The following NRXN3 variants were observed in gnomAD, a reference collection of about 807,000 sequenced individuals.
NRXN3 encodes the protein neurexin 3, also known as neurexin III.
Under a neutral mutation model 137.6 loss-of-function variants are expected in NRXN3, and 32 were observed. The ratio of observed to expected loss-of-function variants is 0.23; its 90% confidence interval spans 0.18 to 0.31. The LOEUF (loss-of-function observed/expected upper bound fraction) is 0.31, where lower values mean the gene tolerates loss of function less well. Among genes scored for constraint, NRXN3 ranks in the 10% least tolerant of loss-of-function variants. The pLI is 1.00. For synonymous variants in NRXN3, 798 were observed against 784.5 expected, an observed-to-expected ratio of 1.02 and a Z score of -0.29; for missense variants, 1,574 against 2,062.5, an observed-to-expected ratio of 0.76 and a Z score of 4.59.
At chr14:79,461,694 G>A (rs1466091319) in intron 15 of NRXN3, among the ~76,000 whole-genome samples, 1 of 152,034 alleles carries the variant, frequency 6.6e-6, no homozygotes, top group Admixed American at 6.6e-5. Context: ...TTAAAAGATA[G>A]GTTTAATTTG....
At chr14:79,504,637 TTTTTTATATATATATATGTATA>T (rs1300267494) in intron 16 of NRXN3, among the ~76,000 whole-genome samples, 4 of 61,532 alleles carry the variant, frequency 6.5e-5, no homozygotes, top group Admixed American at 3.2e-4. Context: ...TAAAATGAAG[TTTTTTATATATATATATGTATA>T]TATATATATA....
At chr14:78,989,300 G>T (rs944645622) in intron 15 of NRXN3, among the ~76,000 whole-genome samples, 6 of 152,056 alleles carry the variant, frequency 3.9e-5, no homozygotes, top group Non-Finnish European at 5.9e-5. Context: ...TGGTTTTTTT[G>T]ATTCTTTATT....
At chr14:79,847,096 C>T (rs1315738023) in intron 20 of NRXN3, among the ~76,000 whole-genome samples, 2 of 152,142 alleles carry the variant, frequency 1.3e-5, no homozygotes, top group African/African-American at 2.4e-5. Flanking sequence ...TCATAGTCAA[C>T]AGAGGAGGCT....
At chr14:79,316,729 C>CCTCTCTCTCTCTCTCTCTCTCTCTCTCT (rs35515937) in intron 15 of NRXN3, among the ~76,000 whole-genome samples, 3 of 137,940 alleles carry the variant, frequency 2.2e-5, no homozygotes, top group African/African-American at 8.4e-5. Context: ...CTGTCCTGTC[C>CCTCTCTCTCTCTCTCTCTCTCTCTCTCT]CTCTCTCTCT....
At chr14:79,671,817 G>A (rs1275798264) in intron 17 of NRXN3, among the ~76,000 whole-genome samples, 1 of 151,816 alleles carries the variant, frequency 6.6e-6, no homozygotes, top group Non-Finnish European at 1.5e-5. Flanking sequence ...GCATTTCAAG[G>A]CAAACTGGAG....
intron 16 of NRXN3, among the ~76,000 whole-genome samples, chr14:79,509,533 T>A (rs11623616): frequency 8.1e-6 from 1 of 123,120 alleles, no homozygotes; most frequent in African/African-American, 3.3e-5. Context: ...TATATATATA[T>A]TATATATATG....
intron 15 of NRXN3, among the ~76,000 whole-genome samples, chr14:79,394,279 C>T (rs1282198923): frequency 1.3e-5 from 2 of 152,172 alleles, no homozygotes; most frequent in Non-Finnish European, 2.9e-5. Flanking sequence ...ATAATAATAA[C>T]AGCAGTAGCT....
At chr14:78,178,722 T>G (rs1451214061) in intron 1 of NRXN3, among the ~76,000 whole-genome samples, 1 of 152,156 alleles carries the variant, frequency 6.6e-6, no homozygotes, top group Non-Finnish European at 1.5e-5. Context: ...TGTCCTCATT[T>G]ATCTGTTGAG....
intron 16 of NRXN3, among the ~76,000 whole-genome samples, chr14:79,621,235 A>G (rs941055356): frequency 6.6e-6 from 1 of 152,226 alleles, no homozygotes; most frequent in Non-Finnish European, 1.5e-5. Context: ...GTTATTATAA[A>G]TATAATAATT....
chr14:79,118,065 G>C (rs1385316109), intron 15 of NRXN3, among the ~76,000 whole-genome samples: 1 of 151,772 alleles, frequency 6.6e-6, no homozygotes, highest in Non-Finnish European at 1.5e-5. Flanking sequence ...GAAGATGTTA[G>C]AGCTGACCCC....
chr14:78,922,496 A>G lies in NRXN3; in HGVS notation c.2276-34746A>G, dbSNP rs562440902. ...TTGTCAGATCAAGTTTACGCTGTGT[A>G]TGGGCCTTCGTCCAATTTAGATGCA... On this transcript the variant is annotated intron_variant, in intron 10 of 20. Coordinates refer to ENST00000335750, the MANE Select transcript of NRXN3 (RefSeq NM_001330195.2). Among the ~76,000 whole-genome samples, 5 of 152,336 alleles carry G rather than the reference A, an allele frequency of 3.3e-5. No homozygotes were observed. The South Asian group carries it at 8.3e-4, about 25-fold the overall frequency.
intron 15 of NRXN3, among the ~76,000 whole-genome samples, chr14:79,316,747 TC>T (rs2088835935): frequency 2.6e-5 from 4 of 151,894 alleles, no homozygotes; most frequent in Non-Finnish European, 5.9e-5. Flanking sequence ...TCTCTCTCTC[TC>T]TCTCTCTCTC....
chr14:78,369,565 T>C (rs140296484), intron 4 of NRXN3, among the ~76,000 whole-genome samples: 2 of 152,330 alleles, frequency 1.3e-5, no homozygotes, highest in East Asian at 3.9e-4. Flanking sequence ...GCCTCCTCTT[T>C]GTTTTTCTGA....
chr14:79,102,245 A>G (rs1344061320), intron 15 of NRXN3, among the ~76,000 whole-genome samples: 3 of 152,174 alleles, frequency 2.0e-5, no homozygotes, highest in Non-Finnish European at 4.4e-5. Flanking sequence ...CGTGACTAGG[A>G]TCATTTAACC....
intron 1 of NRXN3, among the ~76,000 whole-genome samples, chr14:78,188,344 A>G (rs939852513): frequency 5.9e-5 from 9 of 152,098 alleles, no homozygotes; most frequent in Non-Finnish European, 1.2e-4. Context: ...GGTCAAGGTT[A>G]CCTCCCACCT....
chr14:79,863,517 TA>T lies in NRXN3; in HGVS notation c.*1564del, dbSNP rs72012481. 0.2 allele frequency: 29,587 copies of T among 148,164 alleles called. 4,516 individuals carry two copies. Among genetic ancestry groups the T allele is most frequent in the African/African-American group, 0.42 (17,212 of 40,828 alleles). 9.2% of individuals were successfully genotyped at this position (148,164 alleles called of 1,614,324 possible). A position where few individuals can be genotyped will look rare whatever the true frequency, so the allele number is the denominator to read the frequency against. On this transcript the variant is annotated 3_prime_UTR_variant, in exon 21 of 21. Transcript: ENST00000335750. ...CACAGTTAACTGTGTCAAAGAGAAT[TA>T]AAAAAAAAAACTTCAGATTTTGTTT...
At chr14:79,849,741 C>A (rs2099387846) in intron 20 of NRXN3, among the ~76,000 whole-genome samples, 1 of 152,152 alleles carries the variant, frequency 6.6e-6, no homozygotes, top group Admixed American at 6.5e-5. Context: ...CCCAGCAATG[C>A]CTTTTCTGAG....
chr14:78,441,543 T>C (rs1169604328), intron 4 of NRXN3, among the ~76,000 whole-genome samples: 1 of 152,126 alleles, frequency 6.6e-6, no homozygotes, highest in Non-Finnish European at 1.5e-5. Context: ...CATCTCATTC[T>C]GTACATCCCA....
At chr14:79,115,100 C>A (rs1027594720) in intron 15 of NRXN3, among the ~76,000 whole-genome samples, 1 of 151,914 alleles carries the variant, frequency 6.6e-6, no homozygotes, top group South Asian at 2.1e-4. Context: ...CCACAGAGGG[C>A]GAATCACCTG....
Sources: allele counts gnomAD v4.1 joint callset (sites outside exome capture counted in the v4.1 genomes callset), GRCh38; gene constraint gnomAD v4.1.1; transcripts MANE v1.5; gene names NCBI Gene and HGNC (gene_info 2026-07-23, HGNC 2026-07-21).